Variants in FER1L6 observed in about 807,000 individuals in gnomAD.
The protein encoded by FER1L6 is fer-1 like family member 6.
Under a neutral mutation model 219.2 loss-of-function variants are expected in FER1L6, and 177 were observed. That is an observed-to-expected ratio of 0.81 (90% CI 0.71 to 0.91). FER1L6 has a LOEUF of 0.91. Among genes scored for constraint, FER1L6 ranks in the 40% least tolerant of loss-of-function variants. The probability of loss-of-function intolerance (pLI) is 0.00; values close to 1 mark genes in which losing one functional copy is unlikely to be tolerated. For missense variants in FER1L6, 2,153 were observed against 2,259.9 expected (o/e 0.95, Z 0.96); for synonymous variants, 768 against 824.3 (o/e 0.93, Z 1.17).
intron 12 of FER1L6, among the ~76,000 whole-genome samples, chr8:123,995,129 G>T (rs980157585): frequency 6.6e-6 from 1 of 152,170 alleles, no homozygotes; most frequent in Non-Finnish European, 1.5e-5. Context: ...AAGTTTTCCT[G>T]TTAAGTTCCT....
intron 1 of FER1L6, among the ~76,000 whole-genome samples, chr8:123,868,504 T>G (rs1201808640): frequency 6.6e-6 from 1 of 152,180 alleles, no homozygotes; most frequent in African/African-American, 2.4e-5. Context: ...GCTCATTTCT[T>G]TATATAATGA....
In FER1L6 at chr8:123,853,521, T is replaced by G. The variant is rs1245782221; in HGVS notation, c.-8+1336T>G. 1.3e-5 allele frequency among the ~76,000 whole-genome samples: 2 copies of G among 152,198 alleles called. No homozygotes were observed. Among genetic ancestry groups the G allele is most frequent in the Admixed American group, 1.3e-4 (2 of 15,280 alleles). The stretch of plus-strand genomic sequence containing the variant: ...GGTCTTAATGAGGAAATGATACAGA[T>G]GATGATTTGGACCCAAGGCTGTTGA... On this transcript the variant is annotated intron_variant, in intron 1 of 40. Coordinates refer to ENST00000522917, the MANE Select transcript of FER1L6 (RefSeq NM_001039112.2). This position sits in a 1 kb window ranked among gnomAD's most constrained non-coding sequence, Gnocchi z 6.6.
At chr8:124,059,144 T>C (rs1820440855) in intron 22 of FER1L6, among the ~76,000 whole-genome samples, 1 of 152,166 alleles carries the variant, frequency 6.6e-6, no homozygotes, top group Admixed American at 6.5e-5. Flanking sequence ...AGACTTCCTA[T>C]TGGCCAAGTC....
intron 33 of FER1L6, among the ~76,000 whole-genome samples, chr8:124,090,354 C>T (rs748757765): frequency 6.6e-6 from 1 of 152,206 alleles, no homozygotes; most frequent in Non-Finnish European, 1.5e-5. Flanking sequence ...TAGCTGTTCT[C>T]ACTCTGAAAT....
At chr8:123,927,989 T>C (rs1303095485) in intron 1 of FER1L6, among the ~76,000 whole-genome samples, 3 of 152,200 alleles carry the variant, frequency 2.0e-5, no homozygotes, top group Admixed American at 6.5e-5. Flanking sequence ...GTAATTATTA[T>C]AAATGATTGT....
chr8:124,022,363 C>T (rs568692307), intron 17 of FER1L6, among the ~76,000 whole-genome samples: 1 of 152,196 alleles, frequency 6.6e-6, no homozygotes, highest in Admixed American at 6.5e-5. Context: ...AAAGACAGAG[C>T]ATCTGCTTCC....
At chr8:123,903,246 T>C (rs965433674) in intron 1 of FER1L6, among the ~76,000 whole-genome samples, 4 of 152,240 alleles carry the variant, frequency 2.6e-5, no homozygotes, top group African/African-American at 9.6e-5. Context: ...TGCATCATTC[T>C]AGTATATCGA....
chr8:124,024,948 T>C (rs7822517), intron 18 of FER1L6, among the ~76,000 whole-genome samples: 87,796 of 151,886 alleles, frequency 0.58, 25,821 homozygotes, highest in African/African-American at 0.64. Flanking sequence ...TTGCATTTCC[T>C]TGATGATTAG....
At chr8:124,103,090 C>T (rs1822613082) in intron 38 of FER1L6, 56 bp from the exon 39 acceptor site, 2 of 1,480,892 alleles carry the variant, frequency 1.4e-6, no homozygotes, top group South Asian at 1.2e-5. Flanking sequence ...GATTGAGAAG[C>T]TCTTCTGTTA....
chr8:123,941,027 C>T (rs564951614), intron 1 of FER1L6, among the ~76,000 whole-genome samples: 13 of 152,254 alleles, frequency 8.5e-5, no homozygotes, highest in African/African-American at 3.1e-4. Context: ...TTTATACCAG[C>T]TCAGTATTTT....
intron 15 of FER1L6, among the ~76,000 whole-genome samples, chr8:124,015,607 A>ATATGTATATATATATATATATATATG (rs1554632086): frequency 1.1e-5 from 1 of 88,606 alleles, no homozygotes; most frequent in African/African-American, 4.3e-5. Flanking sequence ...ATATATATAT[A>ATATGTATATATATATATATATATATG]TATATATATT....
chr8:123,887,096 C>T (rs934147523), intron 1 of FER1L6, among the ~76,000 whole-genome samples: 8 of 152,144 alleles, frequency 5.3e-5, no homozygotes, highest in Non-Finnish European at 5.9e-5. Context: ...CAGATTGCTT[C>T]CTTATCTTTC....
intron 32 of FER1L6, among the ~76,000 whole-genome samples, chr8:124,077,549 C>T (rs1463058080): frequency 6.6e-6 from 1 of 152,154 alleles, no homozygotes; most frequent in South Asian, 2.1e-4. Context: ...TGGGGAAACA[C>T]CCTTTCTTCC....
At chr8:123,889,568 C>T (rs1002623461) in intron 1 of FER1L6, among the ~76,000 whole-genome samples, 5 of 151,020 alleles carry the variant, frequency 3.3e-5, no homozygotes, top group African/African-American at 1.2e-4. Context: ...ATAGTTAATA[C>T]AAAAAAGAAA....
chr8:124,076,831 A>G (rs752899610), intron 32 of FER1L6, among the ~76,000 whole-genome samples: 21 of 152,190 alleles, frequency 1.4e-4, no homozygotes, highest in Non-Finnish European at 2.2e-4. Context: ...GTCTCCTACT[A>G]AAGGGATTTT....
intron 30 of FER1L6, among the ~76,000 whole-genome samples, chr8:124,071,099 T>A (rs1488302927): frequency 6.6e-6 from 1 of 152,166 alleles, no homozygotes. Context: ...CTAGTTATAG[T>A]ATTAACCAGC....
In FER1L6 at chr8:124,052,140, A is replaced by G. The variant is rs573976591; in HGVS notation, c.2874+2384A>G. Reference sequence around the variant, plus strand: ...GTTGCACAGTAAAATGGACTATCAGAACTGAATGTAAACTTCAAAACTGTT... The same window carrying G: ...GTTGCACAGTAAAATGGACTATCAGGACTGAATGTAAACTTCAAAACTGTT... On this transcript the variant is annotated intron_variant, in intron 22 of 40. Transcript: ENST00000522917. Among the ~76,000 whole-genome samples, 128 of 152,340 alleles carry G rather than the reference A, an allele frequency of 8.4e-4. 3 individuals are homozygous for G. In the South Asian group the frequency reaches 0.023, roughly 28 times the overall value.
intron 18 of FER1L6, among the ~76,000 whole-genome samples, chr8:124,027,597 T>C (rs1818766122): frequency 6.6e-6 from 1 of 152,224 alleles, no homozygotes; most frequent in Non-Finnish European, 1.5e-5. Context: ...CCTTATTCTA[T>C]TGCCAAGTCT....
chr8:123,864,110 G>C (rs1484236714), intron 1 of FER1L6, among the ~76,000 whole-genome samples: 4 of 149,046 alleles, frequency 2.7e-5, no homozygotes, highest in African/African-American at 5.1e-5. Flanking sequence ...ATTTTGCAGC[G>C]GCTGGTACCG....
Sources: gnomAD v4.1 joint callset for allele counts (sites outside exome capture counted in the v4.1 genomes callset) on GRCh38, gnomAD v4.1.1 for gene constraint, Gnocchi (gnomAD v3.1) non-coding constraint, MANE v1.5 for transcripts, NCBI Gene and HGNC (gene_info 2026-07-23, HGNC 2026-07-21) for gene names.